Variants in GOSR1 observed in about 807,000 individuals in gnomAD.
GOSR1 encodes 28 kDa Golgi SNARE protein.
Under a neutral mutation model 35.5 loss-of-function variants are expected in GOSR1, and 21 were observed. The observed-to-expected ratio is 0.59, with a 90% CI of 0.42 to 0.85. The LOEUF is 0.85. Ranked by LOEUF, GOSR1 falls within the 40% of genes least tolerant of loss-of-function variation. The pLI, the probability that GOSR1 is intolerant of heterozygous loss-of-function variation, is 0.00. For missense variants in GOSR1, 285 were observed against 309.6 expected, an observed-to-expected ratio of 0.92 and a Z score of 0.60; for synonymous variants, 94 against 106.6, an observed-to-expected ratio of 0.88 and a Z score of 0.73.
Position 30,520,338 on chromosome 17 carries a change from C to T in GOSR1, c.622+317C>T, listed in dbSNP as rs142640857. 557 of 200,106 alleles carry T rather than the reference C, an allele frequency of 2.8e-3. 5 individuals carry two copies. Among genetic ancestry groups the T allele is most frequent in the African/African-American group, 0.012 (530 of 43,290 alleles). The allele number at this position is 200,106 out of a possible 1,614,324, so 12.4% of individuals were successfully genotyped here. A position where few individuals can be genotyped will look rare whatever the true frequency, so the allele number is the denominator to read the frequency against. ...ATTCATGTTAGAACTCCACACTATA[C>T]ATTATTCTTACCTAAACATGATAAA... On this transcript the variant is annotated intron_variant, in intron 8 of 8. Coordinates refer to ENST00000451249, the MANE Select transcript of GOSR1 (RefSeq NM_001007025.2).
Position 30,525,423 on chromosome 17 carries a change from G to A in GOSR1, c.*3045G>A, listed in dbSNP as rs1567923602. On this transcript the variant is annotated 3_prime_UTR_variant, in exon 9 of 9. Transcript: ENST00000451249. The stretch of plus-strand genomic sequence containing the variant: ...TTAAAAGAAAAGAAGTTTTCCCATT[G>A]TGAACCTTAAATGATCAGAGAAGTA... The A allele has an allele frequency of 1.3e-5, 2 of 152,152 alleles. No individual in the cohort carries two copies. Among genetic ancestry groups the A allele is most frequent in the Non-Finnish European group, 2.9e-5 (2 of 68,034 alleles). 9.4% of individuals were successfully genotyped at this position (152,152 alleles called of 1,614,324 possible). A position where few individuals can be genotyped will look rare whatever the true frequency, so the allele number is the denominator to read the frequency against.
In GOSR1 at chr17:30,527,238, C is replaced by T. The variant is rs916492142; in HGVS notation, c.*4860C>T. On this transcript the variant is annotated 3_prime_UTR_variant, in exon 9 of 9. Transcript: ENST00000451249. ...ATTCATGATGGTGTGCACCTATAGT[C>T]CCAGCTACTCGGAAGGCTGAGGTAG... 2 of 152,090 alleles carry T rather than the reference C, an allele frequency of 1.3e-5. No homozygotes were observed. The highest frequency in any genetic ancestry group is 4.8e-5 in the African/African-American group (2 of 41,344). 9.4% of individuals were successfully genotyped at this position (152,090 alleles called of 1,614,324 possible).
At chr17:30,478,975 A>T (rs779929352) in intron 1 of GOSR1, 2 of 152,062 alleles carry the variant, frequency 1.3e-5, no homozygotes, top group Non-Finnish European at 2.9e-5. Flanking sequence ...CTGACAACCT[A>T]CTCTGTGCCA....
In GOSR1 at chr17:30,484,648, TTTC is replaced by T. The variant is rs1914564645; in HGVS notation, c.235-12_235-10del. 1 of 1,344,310 alleles carries T rather than the reference TTTC, an allele frequency of 7.4e-7. No individual in the cohort carries two copies. Among genetic ancestry groups the T allele is most frequent in the South Asian group, 1.3e-5 (1 of 78,312 alleles). 83.3% of individuals were successfully genotyped at this position (1,344,310 alleles called of 1,614,324 possible). A position where few individuals can be genotyped will look rare whatever the true frequency, so the allele number is the denominator to read the frequency against. On this transcript the variant is annotated splice_polypyrimidine_tract_variant and intron_variant, in intron 3 of 8. Coordinates refer to ENST00000451249, the MANE Select transcript of GOSR1 (RefSeq NM_001007025.2). Reference sequence around the variant, plus strand: ...AGTAAAATATTTTGATTGTTTTTTTTTTCTTTATTTCTAGCTTACAGGGGTAAA... The same window carrying T: ...AGTAAAATATTTTGATTGTTTTTTTTTTTATTTCTAGCTTACAGGGGTAAA...
chr17:30,520,187 C>T, intron 8 of GOSR1, 166 bp downstream of exon 8: 1 of 508,938 alleles, frequency 2.0e-6, no homozygotes, highest in South Asian at 4.0e-5. Flanking sequence ...AGTTTATGCT[C>T]TTTAGTACCA....
chr17:30,515,681 T>C (rs1158572913), intron 7 of GOSR1, among the ~76,000 whole-genome samples: 1 of 152,238 alleles, frequency 6.6e-6, no homozygotes, highest in Non-Finnish European at 1.5e-5. Context: ...TGGAAAACTT[T>C]TTAAAATCAT....
At chr17:30,502,515 G>T (rs1967248038) in intron 6 of GOSR1, among the ~76,000 whole-genome samples, 1 of 152,158 alleles carries the variant, frequency 6.6e-6, no homozygotes, top group Non-Finnish European at 1.5e-5. Context: ...AGGAAAAAGT[G>T]ATTTTCTAGG....
chr17:30,505,175 G>T (rs958254094), intron 6 of GOSR1, among the ~76,000 whole-genome samples: 2 of 152,070 alleles, frequency 1.3e-5, no homozygotes, highest in African/African-American at 2.4e-5. Context: ...TTGGTACATT[G>T]GTCACTTTAT....
At chr17:30,504,278 C>T (rs1967323050) in intron 6 of GOSR1, among the ~76,000 whole-genome samples, 1 of 152,104 alleles carries the variant, frequency 6.6e-6, no homozygotes, top group African/African-American at 2.4e-5. Context: ...CCACCTGCCT[C>T]AACCTCGCAA....
chr17:30,519,346 C>G (rs937784628), intron 7 of GOSR1, among the ~76,000 whole-genome samples: 1 of 152,142 alleles, frequency 6.6e-6, no homozygotes, highest in Non-Finnish European at 1.5e-5. Flanking sequence ...CGTGAGCCAC[C>G]ACACCCAGCT....
At position 30,478,682 on chromosome 17, in the gene GOSR1, T is replaced by G. The variant is rs531605088; in HGVS notation, c.31+1218T>G. The G allele has an allele frequency of 2.5e-3, 379 of 151,788 alleles. 1 individual carries two copies. Among genetic ancestry groups the G allele is most frequent in the African/African-American group, 8.8e-3 (361 of 41,218 alleles). The allele number at this position is 151,788 out of a possible 1,614,324, so 9.4% of individuals were successfully genotyped here. A position where few individuals can be genotyped will look rare whatever the true frequency, so the allele number is the denominator to read the frequency against. ...AGCGATTCTCCTGTCTCAGCCTCCT[T>G]AGTAGCTGGGACTACAGATGCATGC... On this transcript the variant is annotated intron_variant, in intron 1 of 8. Coordinates refer to ENST00000451249, the MANE Select transcript of GOSR1 (RefSeq NM_001007025.2).
intron 8 of GOSR1, among the ~76,000 whole-genome samples, chr17:30,521,179 T>C (rs1254399375): frequency 2.9e-5 from 4 of 139,704 alleles, no homozygotes; most frequent in Non-Finnish European, 4.6e-5. Flanking sequence ...TTTTTTTTTT[T>C]TTTTTTTTTT....
chr17:30,481,289 C>T (rs375166276), intron 2 of GOSR1, 32 bp downstream of exon 2: 260 of 1,518,298 alleles, frequency 1.7e-4, no homozygotes, highest in Admixed American at 7.1e-4. Context: ...GTCTCCTATG[C>T]CTTAACTGTG....
chr17:30,508,222 ATTGT>A (rs749709404), intron 6 of GOSR1, among the ~76,000 whole-genome samples: 54 of 149,580 alleles, frequency 3.6e-4, no homozygotes, highest in Middle Eastern at 3.4e-3. Context: ...AAATTAATAG[ATTGT>A]TTGCTCTTTT....
Position 30,522,263 on chromosome 17 carries a change from C to G in GOSR1, c.632C>G (p.Pro211Arg). The change falls in exon 9 of 9, where the codon CCT (proline) becomes CGT (arginine). Residue 211 changes from proline to arginine, a missense_variant. Physicochemically the swap from Pro to Arg is moderately radical, Grantham distance 103. This residue lies in a region of GOSR1 where 168 missense variants were observed against 183.2 expected (regional missense o/e 0.92). Coordinates refer to ENST00000451249, the MANE Select transcript of GOSR1 (RefSeq NM_001007025.2). ...TAAAGATTTCCCAAAGATCGTTTTCCTGCTGTAAACAGCCTGATCCAGAGG... is the reference window on the plus strand; with the variant it reads ...TAAAGATTTCCCAAAGATCGTTTTCGTGCTGTAAACAGCCTGATCCAGAGG... ...SKMNTLANRF[P>R]AVNSLIQRIN... is the part of the protein sequence containing the mutation. The G allele has an allele frequency of 6.2e-7, 1 of 1,600,542 alleles. No homozygotes were observed. Among genetic ancestry groups the G allele is most frequent in the Non-Finnish European group, 8.5e-7 (1 of 1,174,912 alleles).
intron 1 of GOSR1, chr17:30,477,954 A>T: frequency 1.0e-6 from 1 of 984,452 alleles, no homozygotes; most frequent in Non-Finnish European, 1.2e-6. Context: ...AGAGAATAGG[A>T]GACAGAATGT....
At chr17:30,518,967 A>C (rs2143918552) in intron 7 of GOSR1, among the ~76,000 whole-genome samples, 1 of 151,278 alleles carries the variant, frequency 6.6e-6, no homozygotes, top group East Asian at 1.9e-4. Flanking sequence ...CCCCAAAAAA[A>C]GGATATTAAC....
intron 2 of GOSR1, chr17:30,481,469 G>C: frequency 2.8e-6 from 1 of 357,432 alleles, no homozygotes. Flanking sequence ...GGCAAAGATT[G>C]TTACAGTGTC....
intron 7 of GOSR1, among the ~76,000 whole-genome samples, chr17:30,518,785 A>G (rs185832502): frequency 4.1e-4 from 62 of 151,654 alleles, no homozygotes; most frequent in Admixed American, 3.5e-3. Flanking sequence ...AAAAATTAGA[A>G]AAAAAAAATT....
Sources: gnomAD v4.1 joint callset for allele counts (sites outside exome capture counted in the v4.1 genomes callset) on GRCh38, gnomAD v4.1.1 for gene constraint, gnomAD v4.1.1 regional missense constraint, MANE v1.5 for transcripts, NCBI Gene and HGNC (gene_info 2026-07-23, HGNC 2026-07-21) for gene names.